RBFOX1: variants seen among roughly 807,000 people sequenced by gnomAD.
RBFOX1 encodes the protein RNA binding protein fox-1 homolog 1.
Under a neutral mutation model 57.7 loss-of-function variants are expected in RBFOX1, and 8 were observed. The observed-to-expected ratio is 0.14, with a 90% confidence interval of 0.08 to 0.25. RBFOX1 has a LOEUF of 0.25. Among genes scored for constraint, RBFOX1 ranks in the 10% least tolerant of loss-of-function variants. RBFOX1 has a pLI of 1.00. For synonymous variants in RBFOX1, 326 were observed against 222.4 expected (o/e 1.47, Z -4.15); for missense variants, 611 against 548.5 (o/e 1.11, Z -1.14).
In RBFOX1 at chr16:7,052,646, C is replaced by T. The variant is rs147410726; in HGVS notation, c.27+548C>T. On this transcript the variant is annotated intron_variant, in intron 4 of 15. Transcript: ENST00000550418. The stretch of plus-strand genomic sequence containing the variant: ...TTTCCCCACTTAAAAATGAAACTGT[C>T]TTGGTGCTCAGGCATATCGGTGTAA... Among the ~76,000 whole-genome samples, 10 of 152,272 alleles carry T rather than the reference C, an allele frequency of 6.6e-5. No homozygotes were observed. In the East Asian group the frequency reaches 1.9e-3, roughly 29 times the overall value.
chr16:6,321,644 T>C (rs2081810555), intron 2 of RBFOX1, among the ~76,000 whole-genome samples: 3 of 152,288 alleles, frequency 2.0e-5, no homozygotes, highest in South Asian at 4.1e-4. Flanking sequence ...TGCTGGCCCA[T>C]AGTTCACCAT....
At chr16:7,181,041 C>T (rs1324053763) in intron 4 of RBFOX1, among the ~76,000 whole-genome samples, 2 of 152,160 alleles carry the variant, frequency 1.3e-5, no homozygotes, top group African/African-American at 2.4e-5. Flanking sequence ...TGTTTTTAAC[C>T]ACAGTCAGCG....
chr16:7,283,392 C>T (rs759682376), intron 4 of RBFOX1, among the ~76,000 whole-genome samples: 46 of 152,042 alleles, frequency 3.0e-4, no homozygotes, highest in Non-Finnish European at 5.9e-4. Flanking sequence ...CAGTGTCCAC[C>T]ATGAGTTCCC....
intron 1 of RBFOX1, among the ~76,000 whole-genome samples, chr16:6,142,445 T>C (rs1362293014): frequency 1.3e-5 from 2 of 151,904 alleles, no homozygotes; most frequent in Non-Finnish European, 2.9e-5. Context: ...ATGGTCTCGA[T>C]CTCCTGACCT....
chr16:5,596,779 C>T (rs759902732), intron 2 of RBFOX1, among the ~76,000 whole-genome samples: 35 of 152,198 alleles, frequency 2.3e-4, no homozygotes, highest in Non-Finnish European at 2.1e-4. Context: ...GGAGAATTGA[C>T]GCATCTGGCA....
At chr16:6,678,867 C>T (rs72762998) in intron 3 of RBFOX1, among the ~76,000 whole-genome samples, 4 of 151,934 alleles carry the variant, frequency 2.6e-5, no homozygotes, top group African/African-American at 7.3e-5. Flanking sequence ...GGTGGTTTAT[C>T]GCATTGTTTC....
intron 1 of RBFOX1, among the ~76,000 whole-genome samples, chr16:5,380,077 A>G (rs1436595141): frequency 1.3e-5 from 2 of 152,092 alleles, no homozygotes; most frequent in Non-Finnish European, 2.9e-5. Context: ...GTGCTTCCCA[A>G]TTTTGAGAGG....
intron 3 of RBFOX1, among the ~76,000 whole-genome samples, chr16:7,000,850 C>T (rs2092727746): frequency 6.6e-6 from 1 of 152,080 alleles, no homozygotes; most frequent in Admixed American, 6.6e-5. Flanking sequence ...GATCCGCCCG[C>T]CTCGGCCTCC....
At chr16:6,945,763 C>T (rs1016761956) in intron 3 of RBFOX1, among the ~76,000 whole-genome samples, 1 of 152,128 alleles carries the variant, frequency 6.6e-6, no homozygotes, top group African/African-American at 2.4e-5. Context: ...TGGTGGCAGG[C>T]ACCTGTAATC....
At chr16:7,375,989 C>G (rs1389173193) in intron 4 of RBFOX1, among the ~76,000 whole-genome samples, 2 of 152,144 alleles carry the variant, frequency 1.3e-5, no homozygotes, top group Non-Finnish European at 2.9e-5. Context: ...ACCCCTATCC[C>G]ACAAGCCAGG....
chr16:5,379,658 C>T (rs149621191), intron 1 of RBFOX1, among the ~76,000 whole-genome samples: 114 of 152,252 alleles, frequency 7.5e-4, no homozygotes, highest in Non-Finnish European at 1.2e-3. Context: ...ATCTGAGAAA[C>T]CAACTGGACC....
chr16:7,265,632 A>C (rs1365632789), intron 4 of RBFOX1, among the ~76,000 whole-genome samples: 3 of 151,912 alleles, frequency 2.0e-5, no homozygotes, highest in Admixed American at 1.3e-4. Context: ...TATTTTTAGT[A>C]GAGACGAGTC....
Position 7,057,165 on chromosome 16 carries a change from C to A in RBFOX1, c.27+5067C>A, listed in dbSNP as rs137980633. On this transcript the variant is annotated intron_variant, in intron 4 of 15. Transcript: ENST00000550418. ...GAATACAGAGAACACATATCTACTG[C>A]CACCAAACTCCCCACAAGGAAAGAC... 2.1e-3 allele frequency among the ~76,000 whole-genome samples: 321 copies of A among 152,278 alleles called. 5 individuals are homozygous for A. The highest frequency in any genetic ancestry group is 3.7e-3 in the Non-Finnish European group (251 of 68,036).
chr16:7,439,345 G>C (rs371013404), intron 4 of RBFOX1, among the ~76,000 whole-genome samples: 2 of 149,176 alleles, frequency 1.3e-5, no homozygotes, highest in East Asian at 3.9e-4. Context: ...ACTGGCTAAA[G>C]AGTGCTGTGA....
intron 10 of RBFOX1, among the ~76,000 whole-genome samples, chr16:7,623,147 G>C (rs187701854): frequency 2.1e-4 from 32 of 152,120 alleles, no homozygotes; most frequent in Non-Finnish European, 4.0e-4. Flanking sequence ...GTAGTAGTTG[G>C]CTAGTGCTGC....
At chr16:6,613,268 G>A (rs1211218041) in intron 2 of RBFOX1, among the ~76,000 whole-genome samples, 1 of 152,040 alleles carries the variant, frequency 6.6e-6, no homozygotes, top group Non-Finnish European at 1.5e-5. Context: ...TTTGCTAAAG[G>A]ATTTTCAGGT....
In RBFOX1 at chr16:7,079,271, A is replaced by T. The variant is rs76573332; in HGVS notation, c.27+27173A>T. Among the ~76,000 whole-genome samples the T allele has an allele frequency of 7.7e-3, 1,172 of 152,258 alleles. 14 individuals carry two copies. The highest frequency in any genetic ancestry group is 0.026 in the African/African-American group (1,099 of 41,556). ...TCATCATACATCTGGCTCTGCCCCAACTGGAGCTTGCAAACTGAGGGTTGG... is the reference window on the plus strand; with the variant it reads ...TCATCATACATCTGGCTCTGCCCCATCTGGAGCTTGCAAACTGAGGGTTGG... On this transcript the variant is annotated intron_variant, in intron 4 of 15. Transcript: ENST00000550418.
intron 2 of RBFOX1, among the ~76,000 whole-genome samples, chr16:6,567,825 T>A (rs28668502): frequency 0.011 from 1,692 of 152,304 alleles, 31 homozygotes; most frequent in African/African-American, 0.038. Flanking sequence ...TAAAATTTTT[T>A]AAAATTCCTT....
intron 1 of RBFOX1, among the ~76,000 whole-genome samples, chr16:6,306,548 G>A (rs548012573): frequency 5.9e-5 from 9 of 152,330 alleles, no homozygotes; most frequent in Non-Finnish European, 1.2e-4. Context: ...TGCCAGGCCA[G>A]CTCCAGAAGC....
Sources: allele counts gnomAD v4.1 joint callset (sites outside exome capture counted in the v4.1 genomes callset), GRCh38; gene constraint gnomAD v4.1.1; transcripts MANE v1.5; gene names NCBI Gene and HGNC (gene_info 2026-07-23, HGNC 2026-07-21).